AEBP2: variants seen among roughly 807,000 people sequenced by gnomAD.
AEBP2 encodes AE binding protein 2, also known as zinc finger protein AEBP2.
A neutral mutation model predicts 50.8 loss-of-function variants in AEBP2; 10 were observed. That is an observed-to-expected ratio of 0.20 (90% CI 0.12 to 0.33). AEBP2 has a LOEUF of 0.33. AEBP2 is among the 10% of genes least tolerant of loss of function. The pLI, the probability that AEBP2 is intolerant of heterozygous loss-of-function variation, is 1.00. For synonymous variants in AEBP2, 296 were observed against 261.3 expected (o/e 1.13, Z -1.28); for missense variants, 570 against 688.0 (o/e 0.83, Z 1.92).
chr12:19,447,595 A>G (rs1264850952), intron 1 of AEBP2, among the ~76,000 whole-genome samples: 1 of 152,258 alleles, frequency 6.6e-6, no homozygotes, highest in African/African-American at 2.4e-5. Context: ...CTAACTTCTC[A>G]GAAGTTGCTT....
Position 19,426,881 on chromosome 12 carries a change from A to G in AEBP2, c.-17+22665A>G, listed in dbSNP as rs2095748805. 2.0e-5 allele frequency among the ~76,000 whole-genome samples: 3 copies of G among 152,254 alleles called. No homozygotes were observed. In the South Asian group the frequency reaches 6.2e-4, roughly 32 times the overall value. ...ATGCCACTGCACTTCAGCGTGGGCA[A>G]CAGAGCGAGACTCAAAAACAAACAA... On this transcript the variant is annotated intron_variant, in intron 1 of 3. Coordinates refer to the AEBP2 transcript ENST00000538425.
At chr12:19,470,868 A>G (rs1948561199) in intron 2 of AEBP2, among the ~76,000 whole-genome samples, 1 of 152,236 alleles carries the variant, frequency 6.6e-6, no homozygotes, top group Non-Finnish European at 1.5e-5. Context: ...ATTAAGGAGA[A>G]TCCTTCTGTC....
intron 1 of AEBP2, among the ~76,000 whole-genome samples, chr12:19,429,440 G>A (rs1274811902): frequency 1.3e-5 from 2 of 152,250 alleles, no homozygotes; most frequent in East Asian, 3.9e-4. Context: ...ATAAACACAC[G>A]TGTGCATGTG....
chr12:19,497,328 G>GATTTTTTT (rs1555186666), intron 4 of AEBP2, among the ~76,000 whole-genome samples: 1 of 78,710 alleles, frequency 1.3e-5, no homozygotes, highest in African/African-American at 5.1e-5. Context: ...TTCCAAAGGT[G>GATTTTTTT]TTTTTTTTTT....
intron 1 of AEBP2, chr12:19,457,282 G>A (rs539601214): frequency 6.4e-7 from 1 of 1,572,402 alleles, no homozygotes; most frequent in East Asian, 2.2e-5. Context: ...ACCAACACTG[G>A]CAGCAACAAT....
chr12:19,404,738 C>T (rs923990002), intron 1 of AEBP2, among the ~76,000 whole-genome samples: 5 of 152,084 alleles, frequency 3.3e-5, no homozygotes, highest in Admixed American at 6.6e-5. Context: ...TCTCCAGGCT[C>T]CTCAGGAAGA....
upstream of AEBP2, among the ~76,000 whole-genome samples, chr12:19,435,872 G>C (rs542464937): frequency 6.6e-6 from 1 of 152,206 alleles, no homozygotes; most frequent in South Asian, 2.1e-4. Flanking sequence ...ACATTTGTTG[G>C]GGCTCAGAAA....
upstream of AEBP2, among the ~76,000 whole-genome samples, chr12:19,439,206 C>G (rs113863903): frequency 2.8e-3 from 434 of 152,352 alleles, 1 homozygote; most frequent in African/African-American, 9.9e-3. Context: ...AGCTCCTGTA[C>G]AGAGGGGACA....
chr12:19,497,328 G>GTTTTTTTTTTTTTTTTTTTTTT (rs34011915), intron 4 of AEBP2, among the ~76,000 whole-genome samples: 1 of 78,710 alleles, frequency 1.3e-5, no homozygotes, highest in African/African-American at 5.1e-5. Flanking sequence ...TTCCAAAGGT[G>GTTTTTTTTTTTTTTTTTTTTTT]TTTTTTTTTT....
At chr12:19,449,887 T>A (rs1441181048) in intron 1 of AEBP2, among the ~76,000 whole-genome samples, 1 of 152,178 alleles carries the variant, frequency 6.6e-6, no homozygotes, top group Non-Finnish European at 1.5e-5. Context: ...CTAACTAGGT[T>A]TGGGAGTTTA....
At chr12:19,483,562 G>A (rs1478052517) in intron 3 of AEBP2, among the ~76,000 whole-genome samples, 1 of 152,160 alleles carries the variant, frequency 6.6e-6, no homozygotes, top group Non-Finnish European at 1.5e-5. Context: ...TCCACATGGT[G>A]TTCTCTCTGC....
chr12:19,432,887 A>G (rs1375857942), intron 1 of AEBP2, among the ~76,000 whole-genome samples: 1 of 152,138 alleles, frequency 6.6e-6, no homozygotes, highest in African/African-American at 2.4e-5. Flanking sequence ...AGATGAACCA[A>G]TGAAATTCAA....
At chr12:19,480,226 C>A (rs893754310) in intron 3 of AEBP2, among the ~76,000 whole-genome samples, 1 of 152,166 alleles carries the variant, frequency 6.6e-6, no homozygotes, top group Non-Finnish European at 1.5e-5. Context: ...GCCTCACCCT[C>A]CCAAGTAGCT....
intron 1 of AEBP2, among the ~76,000 whole-genome samples, chr12:19,444,302 A>G (rs1412761311): frequency 3.9e-5 from 6 of 152,348 alleles, no homozygotes; most frequent in Non-Finnish European, 7.3e-5. Context: ...TATTTATGCT[A>G]AAAAAGTTAA....
At chr12:19,451,640 A>G (rs1948167090) in intron 1 of AEBP2, among the ~76,000 whole-genome samples, 1 of 152,110 alleles carries the variant, frequency 6.6e-6, no homozygotes, top group South Asian at 2.1e-4. Context: ...GTGCTGTATA[A>G]TAAGAGGAGT....
At chr12:19,418,719 C>G (rs891026518) in intron 1 of AEBP2, among the ~76,000 whole-genome samples, 9 of 152,094 alleles carry the variant, frequency 5.9e-5, no homozygotes, top group Admixed American at 5.9e-4. Context: ...AAGCTGTAAC[C>G]CAACTACCTT....
chr12:19,452,961 C>CTTTTTTTTTTTTT (rs34876719), intron 1 of AEBP2, among the ~76,000 whole-genome samples: 2 of 106,900 alleles, frequency 1.9e-5, no homozygotes, highest in African/African-American at 3.5e-5. Context: ...GACTTACGTT[C>CTTTTTTTTTTTTT]TTTTTTTTTT....
At chr12:19,436,585 TTC>T (rs1565700652), upstream of AEBP2, among the ~76,000 whole-genome samples, 7 of 43,004 alleles carry the variant, frequency 1.6e-4, no homozygotes, top group Admixed American at 1.1e-3. Context: ...CTTTTCTTTT[TTC>T]TTTTTTTTTT....
intron 3 of AEBP2, among the ~76,000 whole-genome samples, chr12:19,483,280 T>G (rs778349628): frequency 6.6e-6 from 1 of 152,166 alleles, no homozygotes; most frequent in Non-Finnish European, 1.5e-5. Context: ...GCTTCTACTT[T>G]TATATTTTGC....
Sources: allele counts gnomAD v4.1 joint callset (sites outside exome capture counted in the v4.1 genomes callset), GRCh38; gene constraint gnomAD v4.1.1; transcripts MANE v1.5; gene names NCBI Gene and HGNC (gene_info 2026-07-23, HGNC 2026-07-21).